SPDYE10: variants seen among roughly 807,000 people sequenced by gnomAD.
The protein encoded by SPDYE10 is speedy protein E10.
At chr7:73,150,907 A>AAAAAAATAT in the SPDYE10 span, among the ~76,000 whole-genome samples, 1 of 11,574 alleles carries the variant, frequency 8.6e-5, no homozygotes, top group Non-Finnish European at 1.4e-4. Flanking sequence ...AAAAAAAAAA[A>AAAAAAATAT]ATATATATAT....
the SPDYE10 span, among the ~76,000 whole-genome samples, chr7:73,124,843 G>A: frequency 7.1e-6 from 1 of 141,556 alleles, no homozygotes; most frequent in Non-Finnish European, 1.5e-5. Flanking sequence ...AGGATCGCTT[G>A]AACCCAGGAG....
At chr7:73,120,876 G>T in the SPDYE10 span, among the ~76,000 whole-genome samples, 15 of 149,550 alleles carry the variant, frequency 1.0e-4, no homozygotes, top group Admixed American at 9.9e-4. Context: ...TTGTTGCCCA[G>T]GCTGGAGTGC....
chr7:73,134,448 C>T, the SPDYE10 span, among the ~76,000 whole-genome samples: 1 of 149,406 alleles, frequency 6.7e-6, no homozygotes. Flanking sequence ...TGTAGCACAC[C>T]AGCATGGCAC....
chr7:73,151,891 C>T, the SPDYE10 span, among the ~76,000 whole-genome samples: 1 of 142,702 alleles, frequency 7.0e-6, no homozygotes, highest in Non-Finnish European at 1.5e-5. Context: ...GGGTCATACA[C>T]AGTCTGCAGA....
the SPDYE10 span, among the ~76,000 whole-genome samples, chr7:73,117,069 GTTT>G: frequency 8.6e-5 from 12 of 139,004 alleles, no homozygotes; most frequent in African/African-American, 3.1e-4. Context: ...TAATTTTTGG[GTTT>G]TTTTTTTTGT....
chr7:73,143,027 GA>G, the SPDYE10 span, among the ~76,000 whole-genome samples: 1 of 148,608 alleles, frequency 6.7e-6, no homozygotes, highest in Non-Finnish European at 1.5e-5. Flanking sequence ...AGGAAGGAAG[GA>G]AGGAAAGAAG....
At chr7:73,135,303 G>A in the SPDYE10 span, among the ~76,000 whole-genome samples, 13 of 151,838 alleles carry the variant, frequency 8.6e-5, no homozygotes, top group African/African-American at 3.1e-4. Flanking sequence ...ACACACACCC[G>A]TTTCCTTCCT....
chr7:73,145,144 TTTTCTTTC>T, the SPDYE10 span, among the ~76,000 whole-genome samples: 4 of 132,920 alleles, frequency 3.0e-5, no homozygotes, highest in Non-Finnish European at 4.7e-5. Context: ...TTCTTTCTCT[TTTTCTTTC>T]TTTCTTTCTT....
At chr7:73,135,334 A>G in the SPDYE10 span, among the ~76,000 whole-genome samples, 2 of 151,930 alleles carry the variant, frequency 1.3e-5, no homozygotes, top group Non-Finnish European at 2.9e-5. Context: ...ATAAGTCAGG[A>G]AAGAGTACAG....
chr7:73,134,682 C>T, the SPDYE10 span, among the ~76,000 whole-genome samples: 46 of 151,722 alleles, frequency 3.0e-4, no homozygotes, highest in Middle Eastern at 3.4e-3. Context: ...GCTGACATGG[C>T]GAAACCCCGT....
At chr7:73,151,744 C>G in the SPDYE10 span, among the ~76,000 whole-genome samples, 1 of 72,232 alleles carries the variant, frequency 1.4e-5, no homozygotes, top group Non-Finnish European at 2.6e-5. Flanking sequence ...TCTCAAACTC[C>G]CGGCCTCAAG....
the SPDYE10 span, among the ~76,000 whole-genome samples, chr7:73,114,623 G>A: frequency 1.7e-4 from 22 of 127,550 alleles, no homozygotes; most frequent in African/African-American, 2.3e-4. Context: ...TGCAACCTCC[G>A]CCTCCCGGGT....
At chr7:73,116,904 T>G in the SPDYE10 span, among the ~76,000 whole-genome samples, 4 of 151,648 alleles carry the variant, frequency 2.6e-5, no homozygotes, top group African/African-American at 4.9e-5. Flanking sequence ...TTTGTTTTTT[T>G]TTTTTTTTTG....
chr7:73,111,754 CTTTTTTTTTTTTTTT>C, the SPDYE10 span, among the ~76,000 whole-genome samples: 1 of 19,026 alleles, frequency 5.3e-5, no homozygotes, highest in African/African-American at 3.6e-4. Flanking sequence ...TCTGACCCTT[CTTTTTTTTTTTTTTT>C]TTTTTTTTTT....
chr7:73,154,444 AC>A, the SPDYE10 span, among the ~76,000 whole-genome samples: 1 of 148,780 alleles, frequency 6.7e-6, no homozygotes, highest in African/African-American at 2.5e-5. Context: ...ATCCTTCAAA[AC>A]CCAGCCTGAG....
chr7:73,149,388 T>C, the SPDYE10 span, among the ~76,000 whole-genome samples: 1 of 143,502 alleles, frequency 7.0e-6, no homozygotes, highest in African/African-American at 2.6e-5. Flanking sequence ...CCTGGGTTCA[T>C]GCCATTCTCC....
At chr7:73,123,767 C>G in the SPDYE10 span, among the ~76,000 whole-genome samples, 1 of 143,546 alleles carries the variant, frequency 7.0e-6, no homozygotes, top group East Asian at 2.0e-4. Context: ...CATTTCCTTT[C>G]TCTCTCTCTC....
the SPDYE10 span, among the ~76,000 whole-genome samples, chr7:73,135,046 G>C: frequency 6.6e-6 from 1 of 152,302 alleles, no homozygotes; most frequent in Non-Finnish European, 1.5e-5. Flanking sequence ...GCCTGGAGCT[G>C]TCATCCTCAC....
At chr7:73,115,385 G>C in the SPDYE10 span, among the ~76,000 whole-genome samples, 2 of 151,778 alleles carry the variant, frequency 1.3e-5, no homozygotes, top group East Asian at 1.9e-4. Context: ...GGAGCGGAGA[G>C]GGAGACCAGT....
Sources: allele counts gnomAD v4.1 joint callset (sites outside exome capture counted in the v4.1 genomes callset), GRCh38; gene constraint gnomAD v4.1.1; transcripts MANE v1.5; gene names NCBI Gene and HGNC (gene_info 2026-07-23, HGNC 2026-07-21).